Variants in APP observed in about 807,000 individuals in gnomAD.
The protein encoded by APP is amyloid beta precursor protein, also known as amyloid-beta precursor protein.
APP carries 31 observed loss-of-function variants against 101.4 expected under a neutral mutation model. That is an observed-to-expected ratio of 0.31 (90% CI 0.23 to 0.41). The LOEUF (loss-of-function observed/expected upper bound fraction) is 0.41. Among genes scored for constraint, APP ranks in the 10% least tolerant of loss-of-function variants. The pLI, the probability that APP is intolerant of heterozygous loss-of-function variation, is 1.00. For missense variants in APP, 839 were observed against 1,003.7 expected (o/e 0.84, Z 2.22); for synonymous variants, 366 against 364.4 (o/e 1.00, Z -0.05).
intron 3 of APP, among the ~76,000 whole-genome samples, chr21:26,066,185 C>G (rs743532): frequency 0.087 from 13,231 of 152,162 alleles, 790 homozygotes; most frequent in African/African-American, 0.16. Context: ...GGGACTGAGT[C>G]TGCTTTTCTA....
At chr21:26,022,190 C>T in intron 5 of APP, 148 bp from the exon 6 acceptor site, 1 of 993,430 alleles carries the variant, frequency 1.0e-6, no homozygotes, top group Admixed American at 1.8e-5. Flanking sequence ...AATCCCAGCT[C>T]AGTGGGTCTG....
rs913805849 is a variant in APP at position 26,089,870 on chromosome 21, C to G, written c.355+73G>C. On this transcript the variant is annotated intron_variant, in intron 3 of 17. Coordinates refer to ENST00000346798, the MANE Select transcript of APP (RefSeq NM_000484.4). Reference sequence around the variant, plus strand: ...GAACAAGTCTGTGTATGTGACCTAACAGGAGCATCCTCTTTTTCTTCCCTC... The same window carrying G: ...GAACAAGTCTGTGTATGTGACCTAAGAGGAGCATCCTCTTTTTCTTCCCTC... 3 of 1,606,302 alleles carry G rather than the reference C, an allele frequency of 1.9e-6. No individual in the cohort carries two copies. The African/African-American group carries it at 4.0e-5, about 21-fold the overall frequency.
chr21:26,063,736 T>G (rs2046358288), intron 3 of APP, among the ~76,000 whole-genome samples: 1 of 152,168 alleles, frequency 6.6e-6, no homozygotes, highest in Non-Finnish European at 1.5e-5. Flanking sequence ...GCAGAAGAAT[T>G]CCAAATAATT....
intron 3 of APP, among the ~76,000 whole-genome samples, chr21:26,067,019 T>C (rs1299389199): frequency 5.3e-5 from 8 of 152,198 alleles, no homozygotes; most frequent in South Asian, 2.1e-4. Flanking sequence ...TGCAGGTCCA[T>C]GTAGGATACA....
chr21:25,969,378 G>T (rs933906755), intron 11 of APP, among the ~76,000 whole-genome samples: 3 of 146,162 alleles, frequency 2.1e-5, no homozygotes, highest in Non-Finnish European at 4.5e-5. Flanking sequence ...AAAAAAGAAG[G>T]TATTTACAAT....
chr21:26,078,412 C>T (rs547799858), intron 3 of APP, among the ~76,000 whole-genome samples: 1 of 152,164 alleles, frequency 6.6e-6, no homozygotes, highest in Non-Finnish European at 1.5e-5. Context: ...AAGTCTATGT[C>T]TAATATATTT....
intron 6 of APP, among the ~76,000 whole-genome samples, chr21:26,016,658 G>T (rs562582224): frequency 6.6e-6 from 1 of 151,998 alleles, no homozygotes; most frequent in African/African-American, 2.4e-5. Context: ...TGCAACCTCC[G>T]CCTCCTAGGT....
intron 6 of APP, among the ~76,000 whole-genome samples, chr21:26,005,743 T>C (rs2043503795): frequency 6.6e-6 from 1 of 152,200 alleles, no homozygotes; most frequent in Non-Finnish European, 1.5e-5. Context: ...GCATAATTTC[T>C]TCCTTCCTAA....
At chr21:26,138,706 A>G (rs996665874) in intron 1 of APP, among the ~76,000 whole-genome samples, 3 of 151,896 alleles carry the variant, frequency 2.0e-5, no homozygotes, top group African/African-American at 7.3e-5. Context: ...AAACAAAACA[A>G]AACAAAACAA....
At position 26,124,668 on chromosome 21, in the gene APP, A is replaced by C. The variant is rs1214077885; in HGVS notation, c.58-12522T>G. Among the ~76,000 whole-genome samples the C allele has an allele frequency of 2.6e-5, 4 of 152,246 alleles. No individual in the cohort carries two copies. The East Asian group carries it at 7.7e-4, about 29-fold the overall frequency. The stretch of plus-strand genomic sequence containing the variant: ...TAACGTGAATGACTGCTGTACAAAA[A>C]TACAGCTGAAAATACTATGAGGAAG... On this transcript the variant is annotated intron_variant, in intron 1 of 17. Coordinates refer to ENST00000346798, the MANE Select transcript of APP (RefSeq NM_000484.4).
chr21:25,883,179 C>T (rs376638369), intron 17 of APP, among the ~76,000 whole-genome samples: 131 of 152,166 alleles, frequency 8.6e-4, no homozygotes, highest in Middle Eastern at 6.8e-3. Context: ...GAGGTGGGTG[C>T]GTCACTTGAG....
chr21:25,917,896 G>A (rs2039430685), intron 13 of APP, among the ~76,000 whole-genome samples: 1 of 149,366 alleles, frequency 6.7e-6, no homozygotes, highest in Admixed American at 6.7e-5. Flanking sequence ...AACAAGACAT[G>A]TATGTGGCCA....
chr21:26,123,007 TA>T (rs1289428701), intron 1 of APP, among the ~76,000 whole-genome samples: 1 of 152,302 alleles, frequency 6.6e-6, no homozygotes, highest in East Asian at 1.9e-4. Flanking sequence ...AGTGAGATTA[TA>T]AATAAGTATA....
chr21:25,969,920 A>G (rs186737873), intron 11 of APP, among the ~76,000 whole-genome samples: 33 of 5,042 alleles, frequency 6.5e-3, no homozygotes, highest in East Asian at 0.025. Context: ...GGAGGGGAAG[A>G]GAAAAGGAAA....
chr21:26,132,838 T>TA (rs1307232519), intron 1 of APP, among the ~76,000 whole-genome samples: 2 of 152,224 alleles, frequency 1.3e-5, no homozygotes, highest in African/African-American at 4.8e-5. Flanking sequence ...TGACATGGTC[T>TA]AAGAAAGTGA....
At chr21:26,157,489 A>G (rs1258157241) in intron 1 of APP, among the ~76,000 whole-genome samples, 1 of 152,242 alleles carries the variant, frequency 6.6e-6, no homozygotes. Context: ...TCTTTCAGAC[A>G]GATTCTGTAA....
intron 6 of APP, among the ~76,000 whole-genome samples, chr21:26,001,565 C>G (rs1031903041): frequency 6.6e-5 from 10 of 152,246 alleles, no homozygotes; most frequent in Non-Finnish European, 1.3e-4. Context: ...GTGGCACAAT[C>G]TTGGCTCACT....
intron 1 of APP, among the ~76,000 whole-genome samples, chr21:26,125,340 A>T (rs186545591): frequency 6.6e-6 from 1 of 152,316 alleles, no homozygotes. Context: ...GTTGATTGGT[A>T]TAAAGACAAC....
chr21:25,883,310 G>A (rs1375021294), intron 17 of APP, among the ~76,000 whole-genome samples: 3 of 152,146 alleles, frequency 2.0e-5, no homozygotes, highest in Non-Finnish European at 2.9e-5. Context: ...GGCGGAGGCA[G>A]GAGAATGGCT....
Sources: gnomAD v4.1 joint callset for allele counts (sites outside exome capture counted in the v4.1 genomes callset) on GRCh38, gnomAD v4.1.1 for gene constraint, MANE v1.5 for transcripts, NCBI Gene and HGNC (gene_info 2026-07-23, HGNC 2026-07-21) for gene names.